The following MDGA1 variants were observed in gnomAD, a reference collection of about 807,000 sequenced individuals.
MDGA1 encodes MAM domain containing glycosylphosphatidylinositol anchor 1.
Under a neutral mutation model 101.5 loss-of-function variants are expected in MDGA1, and 54 were observed. The observed-to-expected ratio is 0.53, with a 90% confidence interval of 0.43 to 0.67. The LOEUF (loss-of-function observed/expected upper bound fraction) is 0.67, where lower values mean the gene tolerates loss of function less well. MDGA1 is among the 30% of genes least tolerant of loss of function. MDGA1 has a pLI of 0.00. For missense variants in MDGA1, 1,083 were observed against 1,323.8 expected, an observed-to-expected ratio of 0.82 and a Z score of 2.82; for synonymous variants, 533 against 558.3, an observed-to-expected ratio of 0.95 and a Z score of 0.64.
chr6:37,678,407 A>C (rs1050321466), intron 1 of MDGA1, among the ~76,000 whole-genome samples: 1 of 151,906 alleles, frequency 6.6e-6, no homozygotes, highest in African/African-American at 2.4e-5. Flanking sequence ...CAGCCTCCTG[A>C]TAGGTCTTCC....
chr6:37,668,827 C>T (rs1309817688), intron 1 of MDGA1, among the ~76,000 whole-genome samples: 1 of 151,994 alleles, frequency 6.6e-6, no homozygotes, highest in Non-Finnish European at 1.5e-5. Flanking sequence ...AGAGAACTAA[C>T]TTTTTCTCTC....
At chr6:37,689,199 C>T (rs1762258507) in intron 1 of MDGA1, among the ~76,000 whole-genome samples, 3 of 152,176 alleles carry the variant, frequency 2.0e-5, no homozygotes, top group Non-Finnish European at 4.4e-5. Context: ...AACATTGGTG[C>T]TCCCCAGGGC....
intron 3 of MDGA1, among the ~76,000 whole-genome samples, chr6:37,657,429 G>A (rs1761516990): frequency 6.6e-6 from 1 of 152,206 alleles, no homozygotes. Flanking sequence ...GGCATTGGTG[G>A]GGTCCAGGCT....
intron 1 of MDGA1, among the ~76,000 whole-genome samples, chr6:37,665,091 G>T (rs1488015143): frequency 6.6e-6 from 1 of 152,126 alleles, no homozygotes; most frequent in Non-Finnish European, 1.5e-5. Flanking sequence ...CAGGCTAGGG[G>T]ACCAAAGCTA....
chr6:37,681,330 CT>C (rs965264849), intron 1 of MDGA1, among the ~76,000 whole-genome samples: 3 of 152,170 alleles, frequency 2.0e-5, no homozygotes, highest in South Asian at 2.1e-4. Context: ...CCTGCCCCCC[CT>C]CTTCAGGTCT....
At chr6:37,683,396 G>C (rs966420499) in intron 1 of MDGA1, among the ~76,000 whole-genome samples, 7 of 152,196 alleles carry the variant, frequency 4.6e-5, no homozygotes, top group African/African-American at 2.4e-5. Flanking sequence ...AGCTGGCTCT[G>C]AAAAAGCAAG....
intron 14 of MDGA1, among the ~76,000 whole-genome samples, chr6:37,643,125 C>T (rs1425961839): frequency 2.6e-5 from 4 of 152,204 alleles, no homozygotes; most frequent in Non-Finnish European, 5.9e-5. Flanking sequence ...GATGGTAACA[C>T]TTCCCTCATC....
chr6:37,664,906 C>CACACACACACACACACACA (rs1761712840), intron 1 of MDGA1, among the ~76,000 whole-genome samples: 1 of 147,590 alleles, frequency 6.8e-6, no homozygotes, highest in African/African-American at 2.5e-5. Context: ...CACACACACA[C>CACACACACACACACACACA]GGCTGCACAT....
chr6:37,695,839 A>G (rs1482512077), intron 1 of MDGA1, among the ~76,000 whole-genome samples: 1 of 152,184 alleles, frequency 6.6e-6, no homozygotes, highest in Non-Finnish European at 1.5e-5. Flanking sequence ...GGCCCCTGAG[A>G]ATGATTTTTT....
intron 2 of MDGA1, among the ~76,000 whole-genome samples, chr6:37,663,538 C>T (rs955436657): frequency 9.8e-5 from 15 of 152,302 alleles, no homozygotes; most frequent in Admixed American, 7.2e-4. Context: ...CTCACTGAGT[C>T]GCAAATTCCT....
At chr6:37,646,404 C>G in intron 10 of MDGA1, 29 bp from the exon 11 acceptor site, 2 of 1,434,880 alleles carry the variant, frequency 1.4e-6, no homozygotes, top group South Asian at 3.2e-5. Flanking sequence ...TCCCAGATGC[C>G]TAGGAAGTCA....
At chr6:37,677,802 G>A (rs79126972) in intron 1 of MDGA1, among the ~76,000 whole-genome samples, 3,262 of 152,120 alleles carry the variant, frequency 0.021, 67 homozygotes, top group East Asian at 0.054. Flanking sequence ...AGGGAAGGAA[G>A]GACAGCATTT....
intron 1 of MDGA1, 101 bp from the exon 2 acceptor site, chr6:37,664,207 A>C: frequency 6.8e-7 from 1 of 1,467,362 alleles, no homozygotes; most frequent in Non-Finnish European, 9.4e-7. Context: ...GTCAGCCCAG[A>C]TCTCCCCAGG....
Position 37,644,518 on chromosome 6 carries a change from C to T in MDGA1, c.2380G>A (p.Asp794Asn), listed in dbSNP as rs745654098. The change falls in exon 13 of 17, where the codon GAC becomes AAC. Residue 794 changes from aspartate (D) to asparagine (N), a missense_variant. Around this residue, in one of 3 missense-constraint regions of MDGA1, gnomAD observed 657 missense variants for 771.4 expected, o/e 0.85. Transcript: ENST00000434837. ...TCACCCTCAGGGGTGCCACTTATGT[C>T]GGTGGGGGGACCAGTGTTGGGGGAG... Reference protein sequence around the residue: ...KRSPNTGPPTDISGTPEGYYM... With the variant: ...KRSPNTGPPTNISGTPEGYYM... 17 of 1,588,538 alleles carry T rather than the reference C, an allele frequency of 1.1e-5. No homozygotes were observed. The highest frequency in any genetic ancestry group is 1.4e-5 in the Non-Finnish European group (16 of 1,167,796).
chr6:37,649,753 T>C (rs708021), intron 8 of MDGA1: 114,073 of 487,988 alleles, frequency 0.23, 15,445 homozygotes, highest in African/African-American at 0.46. Context: ...ATTAAAACTC[T>C]TAGAACAGTG....
chr6:37,683,549 T>C (rs549092635), intron 1 of MDGA1, among the ~76,000 whole-genome samples: 24 of 152,350 alleles, frequency 1.6e-4, no homozygotes, highest in African/African-American at 5.8e-4. Flanking sequence ...CTCTGGCCAC[T>C]AGAGCTTGCG....
Position 37,658,438 on chromosome 6 carries a change from C to A in MDGA1, c.208-19G>T. On this transcript the variant is annotated intron_variant, in intron 2 of 16. Transcript: ENST00000434837. ...ACCGTACCTGGGCCGCCAGGCGGGG[C>A]AGAGTCAGACTGTCAGACTCACACG... 1.3e-6 allele frequency: 2 copies of A among 1,591,226 alleles called. No individual in the cohort carries two copies. Among genetic ancestry groups the A allele is most frequent in the Non-Finnish European group, 1.7e-6 (2 of 1,168,042 alleles).
Position 37,664,842 on chromosome 6 carries a change from GACACACACACACAC to G in MDGA1, c.68-750_68-737del, listed in dbSNP as rs35594367. On this transcript the variant is annotated intron_variant, in intron 1 of 16. Coordinates refer to ENST00000434837, the MANE Select transcript of MDGA1 (RefSeq NM_153487.4). ...TTTGCTTTTAGAGAGCCTAACCTAA[GACACACACACACAC>G]ACACACACACACACACACACACACA... is the stretch of plus-strand genomic sequence containing the variant. Among the ~76,000 whole-genome samples, 296 of 55,244 alleles carry G rather than the reference GACACACACACACAC, an allele frequency of 5.4e-3. 1 individual carries two copies. The highest frequency in any genetic ancestry group is 8.6e-3 in the African/African-American group (110 of 12,858). The allele number at this position is 55,244 out of a possible 152,430, so 36.2% of individuals were successfully genotyped here. A position where few individuals can be genotyped will look rare whatever the true frequency, so the allele number is the denominator to read the frequency against.
intron 1 of MDGA1, among the ~76,000 whole-genome samples, chr6:37,677,529 T>C (rs1306431882): frequency 1.3e-5 from 2 of 152,072 alleles, no homozygotes; most frequent in Non-Finnish European, 2.9e-5. Context: ...GTCTGAGGGC[T>C]CAGTCAATAG....
Sources: gnomAD v4.1 joint callset for allele counts (sites outside exome capture counted in the v4.1 genomes callset) on GRCh38, gnomAD v4.1.1 for gene constraint, gnomAD v4.1.1 regional missense constraint, MANE v1.5 for transcripts, NCBI Gene and HGNC (gene_info 2026-07-23, HGNC 2026-07-21) for gene names.